Variants in CDC14B observed in about 807,000 individuals in gnomAD.
CDC14B encodes the protein cell division cycle 14B.
In CDC14B, 22 loss-of-function variants were observed where a neutral mutation model predicts 64.2. The observed-to-expected ratio is 0.34, with a 90% CI of 0.24 to 0.49. The LOEUF (loss-of-function observed/expected upper bound fraction) is 0.49, where lower values mean the gene tolerates loss of function less well. CDC14B is among the 20% of genes least tolerant of loss of function. The pLI, the probability that CDC14B is intolerant of heterozygous loss-of-function variation, is 0.99. For missense variants in CDC14B, 498 were observed against 629.9 expected (o/e 0.79, Z 2.24); for synonymous variants, 191 against 215.8 (o/e 0.89, Z 1.01).
chr9:96,491,981 C>T, exon 14 of CDC14B: 1 of 152,706 alleles, frequency 6.5e-6, no homozygotes, highest in Non-Finnish European at 1.5e-5. Context: ...CCAGGGAGGA[C>T]AGAAGCGAAG....
chr9:96,551,712 A>G (rs1440779598), intron 5 of CDC14B, 84 bp downstream of exon 5: 20 of 1,550,814 alleles, frequency 1.3e-5, no homozygotes, highest in Non-Finnish European at 1.7e-5. Context: ...TATTTACCAG[A>G]TCTTCTTTTT....
At chr9:96,540,469 CA>C (rs1400116368) in intron 6 of CDC14B, among the ~76,000 whole-genome samples, 1 of 151,122 alleles carries the variant, frequency 6.6e-6, no homozygotes, top group Non-Finnish European at 1.5e-5. Flanking sequence ...CTCATCTCCA[CA>C]AAAAATATAA....
At chr9:96,540,956 A>G (rs1340148853) in intron 6 of CDC14B, among the ~76,000 whole-genome samples, 1 of 152,216 alleles carries the variant, frequency 6.6e-6, no homozygotes, top group Non-Finnish European at 1.5e-5. Context: ...AAGTATATCA[A>G]TTAGTCTCTG....
At chr9:96,586,898 C>G (rs887939844) in intron 1 of CDC14B, among the ~76,000 whole-genome samples, 1 of 151,910 alleles carries the variant, frequency 6.6e-6, no homozygotes, top group Non-Finnish European at 1.5e-5. Context: ...ACAGGCCAGG[C>G]GCGGTGGCTC....
At chr9:96,494,794 C>T (rs1833178549) in intron 13 of CDC14B, among the ~76,000 whole-genome samples, 2 of 114,784 alleles carry the variant, frequency 1.7e-5, no homozygotes, top group South Asian at 7.5e-4. Flanking sequence ...CCCCTCCCGT[C>T]CTGTCCAGTC....
chr9:96,556,482 A>C (rs1031916269), intron 4 of CDC14B, among the ~76,000 whole-genome samples: 2 of 152,212 alleles, frequency 1.3e-5, no homozygotes, highest in Non-Finnish European at 2.9e-5. Flanking sequence ...AGTAAATAAA[A>C]TCACTTTCAT....
chr9:96,523,910 C>T (rs890487694), intron 9 of CDC14B, among the ~76,000 whole-genome samples, 185 bp from the exon 10 acceptor site: 3 of 152,104 alleles, frequency 2.0e-5, no homozygotes, highest in African/African-American at 4.8e-5. Context: ...GTCTCACATC[C>T]GGAATGTATT....
chr9:96,604,542 G>C (rs533742420), intron 1 of CDC14B, among the ~76,000 whole-genome samples: 1 of 142,164 alleles, frequency 7.0e-6, no homozygotes, highest in Admixed American at 7.0e-5. Context: ...CACCACGCCC[G>C]GCTAATTTTG....
At chr9:96,496,408 C>A (rs1331611695), downstream of CDC14B, 2 of 478,070 alleles carry the variant, frequency 4.2e-6, no homozygotes, top group Middle Eastern at 3.2e-4. Context: ...CCACCACCAC[C>A]ACCACAGGGC....
intron 1 of CDC14B, among the ~76,000 whole-genome samples, chr9:96,599,100 C>A (rs1049514016): frequency 6.6e-6 from 1 of 152,116 alleles, no homozygotes; most frequent in African/African-American, 2.4e-5. Context: ...GTACTTAGAG[C>A]CGGGTGTGGT....
downstream of CDC14B, among the ~76,000 whole-genome samples, chr9:96,499,646 G>A (rs1437294802): frequency 6.6e-6 from 1 of 152,218 alleles, no homozygotes; most frequent in African/African-American, 2.4e-5. Flanking sequence ...TACAGAAGGG[G>A]GCTGGACTAA....
At chr9:96,614,199 C>A (rs1847488649) in intron 1 of CDC14B, among the ~76,000 whole-genome samples, 1 of 151,850 alleles carries the variant, frequency 6.6e-6, no homozygotes, top group African/African-American at 2.4e-5. Flanking sequence ...TAGCCAGTAG[C>A]TATTACCAAT....
At chr9:96,600,669 A>G (rs1200079090) in intron 1 of CDC14B, among the ~76,000 whole-genome samples, 1 of 152,066 alleles carries the variant, frequency 6.6e-6, no homozygotes, top group Non-Finnish European at 1.5e-5. Flanking sequence ...AGCCCGGCTA[A>G]TTTTTGTATT....
At chr9:96,544,087 C>T (rs1037344468) in intron 5 of CDC14B, among the ~76,000 whole-genome samples, 5 of 151,840 alleles carry the variant, frequency 3.3e-5, no homozygotes, top group African/African-American at 7.3e-5. Flanking sequence ...CATGGTGGCG[C>T]GCACCTGTAG....
intron 9 of CDC14B, among the ~76,000 whole-genome samples, chr9:96,529,666 A>AT (rs1296083265): frequency 1.3e-5 from 2 of 151,578 alleles, no homozygotes; most frequent in Non-Finnish European, 2.9e-5. Flanking sequence ...TAATTTTTGT[A>AT]TTTTTTAGTA....
At chr9:96,557,007 T>C (rs1172454613) in intron 4 of CDC14B, among the ~76,000 whole-genome samples, 1 of 152,204 alleles carries the variant, frequency 6.6e-6, no homozygotes, top group Non-Finnish European at 1.5e-5. Flanking sequence ...GGACCCAAAA[T>C]TCCAGAAAGC....
chr9:96,515,549 C>A lies in CDC14B; in HGVS notation c.1344-5760G>T. 4.9e-6 allele frequency: 6 copies of A among 1,214,212 alleles called. No homozygotes were observed. Among genetic ancestry groups the A allele is most frequent in the Admixed American group, 3.2e-5 (1 of 30,858 alleles). 75.2% of individuals were successfully genotyped at this position (1,214,212 alleles called of 1,614,324 possible). A position where few individuals can be genotyped will look rare whatever the true frequency, so the allele number is the denominator to read the frequency against. On this transcript the variant is annotated intron_variant, in intron 12 of 13. Coordinates refer to ENST00000375241, the MANE Select transcript of CDC14B (RefSeq NM_033331.4). The surrounding 1 kb of genome is among the most constrained non-coding windows in gnomAD (Gnocchi z 4.3). ...AAAGAACCTTTGAAAATAGGCAAAC[C>A]AACAAAGCTAGGAGCTGACAAGGAG...
chr9:96,504,457 C>T (rs943173637), intron 13 of CDC14B, among the ~76,000 whole-genome samples: 8 of 152,254 alleles, frequency 5.3e-5, no homozygotes, highest in Admixed American at 2.6e-4. Flanking sequence ...GCTCCTCGCC[C>T]GATGCTGCTG....
intron 9 of CDC14B, among the ~76,000 whole-genome samples, chr9:96,524,343 T>C (rs1260856451): frequency 6.7e-6 from 1 of 149,606 alleles, no homozygotes; most frequent in Non-Finnish European, 1.5e-5. Context: ...GGAGAATCAC[T>C]TTCTGAGCAA....
Sources: allele counts gnomAD v4.1 joint callset (sites outside exome capture counted in the v4.1 genomes callset), GRCh38; gene constraint gnomAD v4.1.1; non-coding constraint Gnocchi (gnomAD v3.1); transcripts MANE v1.5; gene names NCBI Gene and HGNC (gene_info 2026-07-23, HGNC 2026-07-21).